The following NSD1 variants were observed in gnomAD, a reference collection of about 807,000 sequenced individuals.
NSD1 encodes nuclear receptor binding SET domain protein 1.
Under a neutral mutation model 242.7 loss-of-function variants are expected in NSD1, and 26 were observed. That is an observed-to-expected ratio of 0.11 (90% CI 0.08 to 0.15). The LOEUF is 0.15. Among genes scored for constraint, NSD1 ranks in the 10% least tolerant of loss-of-function variants. The probability of loss-of-function intolerance (pLI) is 1.00; values close to 1 mark genes in which losing one functional copy is unlikely to be tolerated. For synonymous variants in NSD1, 1,106 were observed against 1,178.1 expected (o/e 0.94, Z 1.25); for missense variants, 2,495 against 3,272.8 (o/e 0.76, Z 5.80).
chr5:177,155,083 T>G (rs993566843), intron 2 of NSD1, among the ~76,000 whole-genome samples: 3 of 151,690 alleles, frequency 2.0e-5, no homozygotes, highest in Non-Finnish European at 2.9e-5. Flanking sequence ...CTGTACCTCC[T>G]GGGTTCAAGT....
At chr5:177,157,298 G>A (rs577219543) in intron 2 of NSD1, among the ~76,000 whole-genome samples, 85 of 152,182 alleles carry the variant, frequency 5.6e-4, no homozygotes, top group African/African-American at 1.9e-3. Flanking sequence ...CCTGAGAGGT[G>A]GAGGTTGTGG....
intron 5 of NSD1, among the ~76,000 whole-genome samples, chr5:177,216,609 A>C (rs570841767): frequency 6.6e-6 from 1 of 151,082 alleles, no homozygotes; most frequent in African/African-American, 2.4e-5. Flanking sequence ...CCCATTGTGT[A>C]GTCTTGGCAC....
intron 2 of NSD1, among the ~76,000 whole-genome samples, chr5:177,147,220 C>G (rs1367254074): frequency 1.3e-5 from 2 of 152,120 alleles, no homozygotes; most frequent in Non-Finnish European, 2.9e-5. Context: ...ATCCTCCCAC[C>G]TCAGCCTCCT....
chr5:177,265,578 TC>T, intron 14 of NSD1: 1 of 1,224,908 alleles, frequency 8.2e-7, no homozygotes, highest in Non-Finnish European at 1.2e-6. Flanking sequence ...CCTCAGCACA[TC>T]CTGTAGTCTG....
At chr5:177,247,196 G>A (rs1402382769) in intron 10 of NSD1, among the ~76,000 whole-genome samples, 2 of 152,214 alleles carry the variant, frequency 1.3e-5, no homozygotes, top group Admixed American at 6.5e-5. Flanking sequence ...TTGGGAGGCC[G>A]AGGCGGGAAG....
At chr5:177,293,787 G>A (rs769128512) in intron 22 of NSD1, 45 bp from the exon 23 acceptor site, 4 of 1,605,304 alleles carry the variant, frequency 2.5e-6, no homozygotes, top group Non-Finnish European at 1.7e-6. Flanking sequence ...CATGTGATAT[G>A]TATCTCTTTT....
intron 2 of NSD1, among the ~76,000 whole-genome samples, chr5:177,151,962 G>A (rs533604873): frequency 1.2e-4 from 19 of 152,070 alleles, no homozygotes; most frequent in African/African-American, 4.1e-4. Flanking sequence ...CCGGGTTCAC[G>A]CCATTCTCCT....
At chr5:177,241,701 A>G (rs1390117696) in intron 8 of NSD1, among the ~76,000 whole-genome samples, 3 of 152,152 alleles carry the variant, frequency 2.0e-5, no homozygotes, top group Admixed American at 2.0e-4. Context: ...GCTAGCACCA[A>G]ACTCTGGAGA....
chr5:177,156,061 TA>T (rs1263630520), intron 2 of NSD1, among the ~76,000 whole-genome samples: 2 of 151,696 alleles, frequency 1.3e-5, no homozygotes, highest in African/African-American at 4.8e-5. Context: ...AAAGGAATAA[TA>T]AATATTTATT....
intron 2 of NSD1, among the ~76,000 whole-genome samples, chr5:177,172,027 C>G (rs1211633953): frequency 1.3e-5 from 2 of 152,198 alleles, no homozygotes; most frequent in Admixed American, 1.3e-4. Context: ...GAAGTCCGCC[C>G]CTTCCTTTCT....
chr5:177,155,380 G>A (rs1007979432), intron 2 of NSD1, among the ~76,000 whole-genome samples: 1 of 151,144 alleles, frequency 6.6e-6, no homozygotes, highest in South Asian at 2.1e-4. Flanking sequence ...CACCCGCCTC[G>A]GCCTCCCAAA....
chr5:177,206,172 G>C (rs1762855975), intron 4 of NSD1, among the ~76,000 whole-genome samples: 2 of 152,062 alleles, frequency 1.3e-5, no homozygotes, highest in South Asian at 4.1e-4. Context: ...GCTAATTTTT[G>C]TATTTTTAGT....
intron 22 of NSD1, among the ~76,000 whole-genome samples, chr5:177,292,790 C>CT (rs1014844636): frequency 2.6e-5 from 4 of 152,058 alleles, no homozygotes; most frequent in African/African-American, 9.7e-5. Flanking sequence ...AATTGAGAAC[C>CT]TTTGAGTAGT....
intron 2 of NSD1, among the ~76,000 whole-genome samples, chr5:177,166,067 G>A (rs1005286737): frequency 5.9e-5 from 9 of 151,682 alleles, no homozygotes; most frequent in Non-Finnish European, 1.0e-4. Context: ...GTGCTGCCAC[G>A]CCCAGCTAAT....
intron 11 of NSD1, among the ~76,000 whole-genome samples, chr5:177,249,626 A>G (rs1326514678): frequency 6.6e-6 from 1 of 151,980 alleles, no homozygotes. Flanking sequence ...TACCGGGACT[A>G]TAGGCACCCG....
chr5:177,246,572 G>A, intron 9 of NSD1, 106 bp from the exon 10 acceptor site: 2 of 794,282 alleles, frequency 2.5e-6, no homozygotes, highest in Middle Eastern at 2.3e-4. Flanking sequence ...CACAAAGCTG[G>A]AGAATTAAAT....
Position 177,295,471 on chromosome 5 carries a change from G to T in NSD1, c.*12G>T. 3 of 1,613,394 alleles carry T rather than the reference G, an allele frequency of 1.9e-6. 1 individual carries two copies. In the South Asian group the frequency reaches 3.3e-5, roughly 18 times the overall value. On this transcript the variant is annotated 3_prime_UTR_variant, in exon 23 of 23. Coordinates refer to ENST00000439151, the MANE Select transcript of NSD1 (RefSeq NM_022455.5). This position sits in a 1 kb window ranked among gnomAD's most constrained non-coding sequence, Gnocchi z 4.3. ...CAGAACAGAAGTAGTACCAATCAAT[G>T]TCACATGAACAAACAAGCTGCCCCC...
At chr5:177,179,996 T>C (rs1172928869) in intron 2 of NSD1, among the ~76,000 whole-genome samples, 1 of 151,860 alleles carries the variant, frequency 6.6e-6, no homozygotes, top group Non-Finnish European at 1.5e-5. Context: ...CACCTCCAGG[T>C]TTCAAGCGAT....
chr5:177,196,910 C>T lies in NSD1; in HGVS notation c.1063+4891C>T, dbSNP rs563388640. On this transcript the variant is annotated intron_variant, in intron 3 of 22. Transcript: ENST00000439151. ...AGTGGATGCCTGAAACTGGATAGTA[C>T]TGAATCCCATATATATAATGTTTTT... 5.9e-5 allele frequency among the ~76,000 whole-genome samples: 9 copies of T among 152,280 alleles called. No individual in the cohort carries two copies. The East Asian group carries it at 1.7e-3, about 29-fold the overall frequency.
Sources: allele counts gnomAD v4.1 joint callset (sites outside exome capture counted in the v4.1 genomes callset), GRCh38; gene constraint gnomAD v4.1.1; non-coding constraint Gnocchi (gnomAD v3.1); transcripts MANE v1.5; gene names NCBI Gene and HGNC (gene_info 2026-07-23, HGNC 2026-07-21).